Variants in FHOD1 observed in about 807,000 individuals in gnomAD.
The protein encoded by FHOD1 is FH1/FH2 domain-containing protein 1.
In FHOD1, 89 loss-of-function variants were observed where a neutral mutation model predicts 111.6. The observed-to-expected ratio is 0.80, with a 90% CI of 0.67 to 0.95. FHOD1 has a LOEUF of 0.95. Ranked by LOEUF, FHOD1 falls within the 40% of genes least tolerant of loss-of-function variation. The pLI is 0.00. For missense variants in FHOD1, 1,446 were observed against 1,554.2 expected, an observed-to-expected ratio of 0.93 and a Z score of 1.17; for synonymous variants, 618 against 639.0, an observed-to-expected ratio of 0.97 and a Z score of 0.50.
chr16:67,237,310 C>G lies in FHOD1; in HGVS notation c.922G>C (p.Ala308Pro). Residue 308 changes from alanine (A) to proline (P), a missense_variant, in exon 9 of 22, where the codon GCG becomes CCG. Physicochemically the swap from Ala to Pro is conservative, Grantham distance 27. Around this residue, in one of 3 missense-constraint regions of FHOD1, gnomAD observed 234 missense variants for 327.4 expected, o/e 0.71. Coordinates refer to ENST00000258201, the MANE Select transcript of FHOD1 (RefSeq NM_013241.3). The surrounding 1 kb of genome is among the most constrained non-coding windows in gnomAD (Gnocchi z 5.6). ...TDALEQQGME[A>P]LVQRHLGTAG... Reference sequence around the variant, plus strand: ...GTGCCCAGGTGGCGCTGGACCAGCGCTTCCATGCCCTGCTGCTCCAGTGCA... The same window carrying G: ...GTGCCCAGGTGGCGCTGGACCAGCGGTTCCATGCCCTGCTGCTCCAGTGCA... The G allele has an allele frequency of 3.7e-6, 6 of 1,614,064 alleles. No homozygotes were observed. Among genetic ancestry groups the G allele is most frequent in the Non-Finnish European group, 5.1e-6 (6 of 1,180,034 alleles).
At chr16:67,234,564 C>T in intron 11 of FHOD1, 92 bp from the exon 12 acceptor site, 1 of 1,050,486 alleles carries the variant, frequency 9.5e-7, no homozygotes. Context: ...CCCCCAATTG[C>T]AGGCACGCAC....
chr16:67,236,968 A>G lies in FHOD1; in HGVS notation c.1140T>C (p.Pro380=). 1 of 1,582,862 alleles carries G rather than the reference A, an allele frequency of 6.3e-7. No homozygotes were observed. The highest frequency in any genetic ancestry group is 1.2e-5 in the South Asian group (1 of 86,778). The change falls in exon 10 of 22, where the codon CCT becomes CCC. Residue 380 remains proline, a splice_region_variant and synonymous_variant. Coordinates refer to ENST00000258201, the MANE Select transcript of FHOD1 (RefSeq NM_013241.3). ...GGGCPARAPE[P]GPTGPASPVG... is the part of the protein sequence containing the mutation. ...CATCTACAGATGCTCGTACTTACCC[A>G]GGTTCCGGGGCACGCGCGGGGCAGC... is the stretch of plus-strand genomic sequence containing the variant.
In FHOD1 at chr16:67,237,063, CACCAGCGCCTGGGG is replaced by C. The variant is rs772095544; in HGVS notation, c.1031_1044del (p.Ala344GlyfsTer11). The stretch of plus-strand genomic sequence containing the variant: ...GAAGGCTTTCGTCGTTCCCGCCGCC[CACCAGCGCCTGGGG>C]CTTCTTCGATGTCTCCATCCTCCAA... On this transcript the variant is annotated frameshift_variant, in exon 10 of 22. Coordinates refer to ENST00000258201, the MANE Select transcript of FHOD1 (RefSeq NM_013241.3). LOFTEE classifies it high-confidence loss of function. The surrounding 1 kb of genome is among the most constrained non-coding windows in gnomAD (Gnocchi z 5.6). The C allele has an allele frequency of 6.2e-7, 1 of 1,613,302 alleles. No individual in the cohort carries two copies. The highest frequency in any genetic ancestry group is 1.7e-5 in the Admixed American group (1 of 59,884).
chr16:67,230,070 G>C lies in FHOD1; in HGVS notation c.3210C>G (p.Ser1070Arg). ...CACAGCTGCTATGGGCCTCACCTCT[G>C]CTGCGGCGATTGTGTGTGGTGTCCT... ...RPEDTTHNRRSRGMVQSSSPI... is the reference protein window; with the variant it reads ...RPEDTTHNRRRRGMVQSSSPI... Residue 1070 changes from serine (S) to arginine (R), a missense_variant, in exon 20 of 22, where the codon AGC (serine) becomes AGG (arginine). Physicochemically the swap from Ser to Arg is moderately radical, Grantham distance 110. This residue lies in a region of FHOD1 where 1,085 missense variants were observed against 1,108.8 expected (regional missense o/e 0.98). Transcript: ENST00000258201. 1 of 1,614,014 alleles carries C rather than the reference G, an allele frequency of 6.2e-7. No homozygotes were observed.
chr16:67,238,139 A>C lies in FHOD1; in HGVS notation c.548-11T>G. ...TCAGCTGGCCGAGCGCTGGGGAAAC[A>C]GGGATGGGCAGAGTCAGCGAGGGTC... On this transcript the variant is annotated splice_polypyrimidine_tract_variant and intron_variant, in intron 5 of 21. Coordinates refer to ENST00000258201, the MANE Select transcript of FHOD1 (RefSeq NM_013241.3). The surrounding 1 kb of genome is among the most constrained non-coding windows in gnomAD (Gnocchi z 4.2). The C allele has an allele frequency of 1.2e-6, 2 of 1,614,020 alleles. No homozygotes were observed. Among genetic ancestry groups the C allele is most frequent in the Non-Finnish European group, 1.7e-6 (2 of 1,179,940 alleles).
chr16:67,238,986 G>A lies in FHOD1; in HGVS notation c.309-19C>T, dbSNP rs1315353749. The A allele has an allele frequency of 1.2e-6, 2 of 1,613,440 alleles. No homozygotes were observed. The highest frequency in any genetic ancestry group is 8.5e-7 in the Non-Finnish European group (1 of 1,179,412). ...CCCTTTGCTGGAATCAAGGATCTCT[G>A]TTAGCAGCTCCCAGCCTATCCCTCA... On this transcript the variant is annotated intron_variant, in intron 2 of 21. Coordinates refer to ENST00000258201, the MANE Select transcript of FHOD1 (RefSeq NM_013241.3). This position sits in a 1 kb window ranked among gnomAD's most constrained non-coding sequence, Gnocchi z 4.2.
chr16:67,234,310 G>A (rs1032374984), intron 12 of FHOD1, 43 bp from the exon 13 acceptor site: 2 of 1,600,324 alleles, frequency 1.2e-6, no homozygotes, highest in Non-Finnish European at 1.7e-6. Context: ...CCCCCTGTGG[G>A]GCAACAAAGC....
intron 13 of FHOD1, among the ~76,000 whole-genome samples, chr16:67,232,518 CAAAA>C (rs988902359): frequency 1.5e-3 from 71 of 48,614 alleles, no homozygotes; most frequent in East Asian, 9.7e-3. Context: ...GACTCTGTCT[CAAAA>C]AAAAAAAAAA....
rs2034551526 is a variant in FHOD1 at position 67,237,936 on chromosome 16, A to C, written c.642+98T>G. On this transcript the variant is annotated intron_variant, in intron 6 of 21. Transcript: ENST00000258201. The surrounding 1 kb of genome is among the most constrained non-coding windows in gnomAD (Gnocchi z 5.6). ...TGCCTTATAGGCTTACAGAGGCCTC[A>C]GACTCACTCCCTTCCAGCTCACTTT... 2.8e-6 allele frequency: 4 copies of C among 1,404,986 alleles called. No individual in the cohort carries two copies. The East Asian group carries it at 9.1e-5, about 32-fold the overall frequency. The allele number at this position is 1,404,986 out of a possible 1,614,324, so 87.0% of individuals were successfully genotyped here.
In FHOD1 at chr16:67,230,314, C is replaced by T. The variant is rs1238439716; in HGVS notation, c.3051G>A (p.Glu1017=). ...RNKTRGRMIT[E]TEKFSGVAGE... is the part of the protein sequence containing the mutation. The stretch of plus-strand genomic sequence containing the variant: ...GACTAAGACCTGGAAGGGCACCCAC[C>T]TCGGTGATCATGCGTCCCCGGGTCT... The change falls in exon 19 of 22, where the codon GAG becomes GAA. Residue 1017 remains glutamate, a splice_region_variant and synonymous_variant. Transcript: ENST00000258201. 7 of 1,614,070 alleles carry T rather than the reference C, an allele frequency of 4.3e-6. No individual in the cohort carries two copies. Among genetic ancestry groups the T allele is most frequent in the African/African-American group, 1.3e-5 (1 of 74,944 alleles).
chr16:67,234,370 C>A lies in FHOD1; in HGVS notation c.1422G>T (p.Ala474=), dbSNP rs146941627. ...CCACCTACTCACCTGGGTGTCCACC[C>A]GCCTCATTGGGCATGGCCCCGGCAA... ...ETLAGAMPNE[A]GGHPDARQLW... is the part of the protein sequence containing the mutation. Residue 474 remains alanine, a synonymous_variant, in exon 12 of 22, where the codon GCG becomes GCT. Transcript: ENST00000258201. 1.2e-6 allele frequency: 2 copies of A among 1,610,578 alleles called. No homozygotes were observed. Among genetic ancestry groups the A allele is most frequent in the Admixed American group, 1.7e-5 (1 of 59,902 alleles).
Position 67,247,106 on chromosome 16 carries a change from A to G in FHOD1, c.201+104T>C, listed in dbSNP as rs3852702. 0.019 allele frequency: 25,013 copies of G among 1,300,292 alleles called. 3,614 individuals are homozygous for G. The African/African-American group carries it at 0.33, about 17-fold the overall frequency. 80.5% of individuals were successfully genotyped at this position (1,300,292 alleles called of 1,614,324 possible). ...ACCCCAGCCCAAGACTTTTCCGGAG[A>G]AGAACACTCGCTCCAGCCTCTTCCC... On this transcript the variant is annotated intron_variant, in intron 1 of 21. Coordinates refer to ENST00000258201, the MANE Select transcript of FHOD1 (RefSeq NM_013241.3).
At position 67,229,678 on chromosome 16, in the gene FHOD1, C is replaced by T; in HGVS notation, c.3453G>A (p.Val1151=). The change falls in exon 22 of 22, where the codon GTG becomes GTA. Residue 1151 remains valine (V), a synonymous_variant. Coordinates refer to ENST00000258201, the MANE Select transcript of FHOD1 (RefSeq NM_013241.3). Reference sequence around the variant, plus strand: ...GACCCTTGCTTAGTCCCAGTGCCTGCACCAGGTCATCTCCGAGCCCACTCT... The same window carrying T: ...GACCCTTGCTTAGTCCCAGTGCCTGTACCAGGTCATCTCCGAGCCCACTCT... The part of the protein sequence containing the change: ...TLKSGLGDDL[V]QALGLSKGPG... 2.5e-6 allele frequency: 4 copies of T among 1,614,212 alleles called. No individual in the cohort carries two copies. The highest frequency in any genetic ancestry group is 1.1e-5 in the South Asian group (1 of 91,086).
Position 67,230,048 on chromosome 16 carries a change from A to G in FHOD1, c.3214+18T>C, listed in dbSNP as rs777210595. 15 of 1,613,174 alleles carry G rather than the reference A, an allele frequency of 9.3e-6. No individual in the cohort carries two copies. The highest frequency in any genetic ancestry group is 4.4e-5 in the South Asian group (4 of 91,076). Reference sequence around the variant, plus strand: ...GGTGGCACTGGAGCCCATTCCCCACAGCTGCTATGGGCCTCACCTCTGCTG... The same window carrying G: ...GGTGGCACTGGAGCCCATTCCCCACGGCTGCTATGGGCCTCACCTCTGCTG... On this transcript the variant is annotated intron_variant, in intron 20 of 21. Coordinates refer to ENST00000258201, the MANE Select transcript of FHOD1 (RefSeq NM_013241.3).
Position 67,231,348 on chromosome 16 carries a change from C to T in FHOD1, c.2507G>A (p.Ser836Asn), listed in dbSNP as rs201097013. ...AVGNFLNGSQ[S>N]SGFELSYLEK... Reference sequence around the variant, plus strand: ...CAGGTAGCTCAGCTCAAAGCCGCTGCTCTGAAAGGACCCTTTCTGAGCCTG... The same window carrying T: ...CAGGTAGCTCAGCTCAAAGCCGCTGTTCTGAAAGGACCCTTTCTGAGCCTG... The change falls in exon 17 of 22, where the codon AGC (serine) becomes AAC (asparagine). Residue 836 changes from serine to asparagine, a missense_variant and splice_region_variant. Physicochemically the swap from Ser to Asn is conservative, Grantham distance 46 (BLOSUM62 1). This residue lies in a region of FHOD1 where 1,085 missense variants were observed against 1,108.8 expected (regional missense o/e 0.98). Coordinates refer to ENST00000258201, the MANE Select transcript of FHOD1 (RefSeq NM_013241.3). The surrounding 1 kb of genome is among the most constrained non-coding windows in gnomAD (Gnocchi z 4.3). The T allele has an allele frequency of 6.2e-7, 1 of 1,614,186 alleles. No homozygotes were observed. The highest frequency in any genetic ancestry group is 1.3e-5 in the African/African-American group (1 of 75,058).
At chr16:67,240,718 G>C (rs756728774) in intron 1 of FHOD1, among the ~76,000 whole-genome samples, 1 of 152,204 alleles carries the variant, frequency 6.6e-6, no homozygotes, top group Non-Finnish European at 1.5e-5. Context: ...GCCTGAGGGA[G>C]GTGACTCCTG....
intron 17 of FHOD1, 130 bp from the exon 18 acceptor site, chr16:67,230,921 G>T: frequency 9.6e-7 from 1 of 1,037,220 alleles, no homozygotes; most frequent in Non-Finnish European, 1.4e-6. Flanking sequence ...TCATAGACTA[G>T]TGCAAGAGAC....
chr16:67,230,652 C>G lies in FHOD1; in HGVS notation c.2807G>C (p.Cys936Ser), dbSNP rs1372412602. The stretch of plus-strand genomic sequence containing the variant: ...CCTTAGCATGGCAACACGGCGGGCA[C>G]ACTGGTCCAGGAAGTGGGTGAGGCG... Reference protein sequence around the residue: ...RARLTHFLDQCARRVAMLRIV... With the variant: ...RARLTHFLDQSARRVAMLRIV... Residue 936 changes from cysteine (C) to serine (S), a missense_variant, in exon 18 of 22, where the codon TGT becomes TCT. Physicochemically the swap from Cys to Ser is moderately radical, Grantham distance 112. Coordinates refer to ENST00000258201, the MANE Select transcript of FHOD1 (RefSeq NM_013241.3). 6.2e-7 allele frequency: 1 copy of G among 1,614,056 alleles called. No individual in the cohort carries two copies. The highest frequency in any genetic ancestry group is 1.1e-5 in the South Asian group (1 of 91,084).
intron 19 of FHOD1, 35 bp downstream of exon 19, chr16:67,230,279 T>G (rs1469183104): frequency 1.2e-6 from 2 of 1,613,204 alleles, no homozygotes; most frequent in Non-Finnish European, 1.7e-6. Flanking sequence ...ACCAAGGAGG[T>G]GGCAGTCAAG....
Sources: gnomAD v4.1 joint callset for allele counts (sites outside exome capture counted in the v4.1 genomes callset) on GRCh38, gnomAD v4.1.1 for gene constraint, gnomAD v4.1.1 regional missense constraint, Gnocchi (gnomAD v3.1) non-coding constraint, MANE v1.5 for transcripts, NCBI Gene and HGNC (gene_info 2026-07-23, HGNC 2026-07-21) for gene names.